GPC6: variants seen among roughly 807,000 people sequenced by gnomAD.
The protein encoded by GPC6 is glypican-6.
GPC6 carries 14 observed loss-of-function variants against 55.2 expected under a neutral mutation model. The observed-to-expected ratio is 0.25, with a 90% CI of 0.17 to 0.40. The LOEUF is 0.40. GPC6 is among the 10% of genes least tolerant of loss of function. The pLI is 1.00. For missense variants in GPC6, 641 were observed against 708.5 expected, an observed-to-expected ratio of 0.90 and a Z score of 1.08; for synonymous variants, 278 against 259.6, an observed-to-expected ratio of 1.07 and a Z score of -0.68.
chr13:93,613,209 GTC>G (rs1313132087), intron 2 of GPC6, among the ~76,000 whole-genome samples: 1 of 152,142 alleles, frequency 6.6e-6, no homozygotes, highest in Non-Finnish European at 1.5e-5. Flanking sequence ...AATGCCACTA[GTC>G]TCTGGCTCAA....
rs185116656 is a variant in GPC6 at position 93,290,487 on chromosome 13, G to A, written c.160+62871G>A. Among the ~76,000 whole-genome samples the A allele has an allele frequency of 2.6e-3, 394 of 152,188 alleles. 2 individuals carry two copies. Among genetic ancestry groups the A allele is most frequent in the Non-Finnish European group, 3.9e-3 (268 of 67,980 alleles). On this transcript the variant is annotated intron_variant, in intron 1 of 8. Transcript: ENST00000377047. ...CATTTTATTGTAATCAAACAATTTG[G>A]TTGAAGTCTCAATGATACTCACTCT...
At chr13:94,185,118 C>T (rs1207132991) in intron 4 of GPC6, among the ~76,000 whole-genome samples, 1 of 152,064 alleles carries the variant, frequency 6.6e-6, no homozygotes, top group Non-Finnish European at 1.5e-5. Context: ...AACCTGGGAA[C>T]AGTAAACACT....
At chr13:93,853,577 A>G (rs1283510271) in intron 3 of GPC6, among the ~76,000 whole-genome samples, 2 of 150,788 alleles carry the variant, frequency 1.3e-5, no homozygotes, top group Non-Finnish European at 3.0e-5. Flanking sequence ...TAAAAAAAAT[A>G]TGAATTTTAA....
At chr13:93,684,823 G>C (rs1463188746) in intron 2 of GPC6, among the ~76,000 whole-genome samples, 1 of 152,038 alleles carries the variant, frequency 6.6e-6, no homozygotes, top group Admixed American at 6.6e-5. Context: ...TATCAATCTG[G>C]AAACATCAGG....
intron 1 of GPC6, among the ~76,000 whole-genome samples, chr13:93,449,437 G>C (rs138380738): frequency 1.3e-4 from 20 of 152,300 alleles, no homozygotes; most frequent in African/African-American, 4.8e-4. Context: ...GATGATGATT[G>C]TTGGCTGGGT....
intron 3 of GPC6, among the ~76,000 whole-genome samples, chr13:94,007,529 C>T (rs762154424): frequency 2.6e-5 from 4 of 152,198 alleles, no homozygotes; most frequent in African/African-American, 2.4e-5. Flanking sequence ...GAAGAGACCT[C>T]GGGAATGCAT....
intron 2 of GPC6, among the ~76,000 whole-genome samples, chr13:93,622,782 G>C (rs1879013734): frequency 6.6e-6 from 1 of 151,994 alleles, no homozygotes; most frequent in Admixed American, 6.6e-5. Flanking sequence ...ATATCTTCTA[G>C]TTATTTTGAA....
chr13:93,444,357 C>T (rs1877917972), intron 1 of GPC6, among the ~76,000 whole-genome samples: 1 of 152,034 alleles, frequency 6.6e-6, no homozygotes, highest in South Asian at 2.1e-4. Flanking sequence ...GGCTGGAATC[C>T]CAGCACTTTG....
chr13:94,271,606 C>T (rs58770256), intron 4 of GPC6, among the ~76,000 whole-genome samples: 7,947 of 152,162 alleles, frequency 0.052, 303 homozygotes, highest in African/African-American at 0.1. Flanking sequence ...AATAGTAGTT[C>T]CTACTTCATT....
At chr13:93,991,055 AT>A (rs576677785) in intron 3 of GPC6, among the ~76,000 whole-genome samples, 2 of 151,550 alleles carry the variant, frequency 1.3e-5, no homozygotes, top group Non-Finnish European at 2.9e-5. Context: ...TACTTCATTG[AT>A]TTTTTTTTCT....
chr13:94,352,241 G>T (rs1039516576), intron 6 of GPC6, among the ~76,000 whole-genome samples: 41 of 152,022 alleles, frequency 2.7e-4, no homozygotes, highest in Non-Finnish European at 1.6e-4. Context: ...TGGGAACAGG[G>T]CTGGTGAGAG....
chr13:93,750,255 A>G (rs528726781), intron 2 of GPC6, among the ~76,000 whole-genome samples: 14 of 152,320 alleles, frequency 9.2e-5, no homozygotes, highest in African/African-American at 3.4e-4. Context: ...GGATGTTTCT[A>G]CGAAAATTTG....
At chr13:93,563,978 T>C (rs925617076) in intron 2 of GPC6, among the ~76,000 whole-genome samples, 3 of 152,116 alleles carry the variant, frequency 2.0e-5, no homozygotes, top group Admixed American at 6.6e-5. Flanking sequence ...CGTGCACCCT[T>C]CACCGAAGCA....
At chr13:93,884,196 A>G (rs1875176999) in intron 3 of GPC6, among the ~76,000 whole-genome samples, 1 of 152,152 alleles carries the variant, frequency 6.6e-6, no homozygotes, top group Admixed American at 6.6e-5. Flanking sequence ...ACCTTGACAC[A>G]TGAAATCATT....
intron 4 of GPC6, among the ~76,000 whole-genome samples, chr13:94,138,982 G>C (rs980267610): frequency 6.6e-5 from 10 of 152,130 alleles, no homozygotes; most frequent in Non-Finnish European, 1.3e-4. Context: ...GGAATAGATA[G>C]GAGGGGCGCC....
chr13:94,253,638 C>T (rs866858182), intron 4 of GPC6, among the ~76,000 whole-genome samples: 1 of 151,962 alleles, frequency 6.6e-6, no homozygotes, highest in Non-Finnish European at 1.5e-5. Flanking sequence ...GGTGTGTTTT[C>T]GATCATAGAA....
Position 93,988,681 on chromosome 13 carries a change from C to T in GPC6, c.712-39048C>T, listed in dbSNP as rs141126856. On this transcript the variant is annotated intron_variant, in intron 3 of 8. Coordinates refer to ENST00000377047, the MANE Select transcript of GPC6 (RefSeq NM_005708.5). ...AGGGCACTAATCCCACTCATGAGATCCCCACCCTCATGACCTAATTGTCTC... is the reference window on the plus strand; with the variant it reads ...AGGGCACTAATCCCACTCATGAGATTCCCACCCTCATGACCTAATTGTCTC... Among the ~76,000 whole-genome samples, 1,053 of 152,116 alleles carry T rather than the reference C, an allele frequency of 6.9e-3. 16 individuals carry two copies. Among genetic ancestry groups the T allele is most frequent in the African/African-American group, 0.024 (1,007 of 41,484 alleles).
chr13:93,897,039 T>C (rs922412665), intron 3 of GPC6, among the ~76,000 whole-genome samples: 2 of 151,664 alleles, frequency 1.3e-5, no homozygotes, highest in Non-Finnish European at 2.9e-5. Context: ...TCTCAAGTAT[T>C]AGCTATGTGT....
chr13:93,961,873 C>T (rs1349853627), intron 3 of GPC6, among the ~76,000 whole-genome samples: 1 of 151,890 alleles, frequency 6.6e-6, no homozygotes, highest in Non-Finnish European at 1.5e-5. Flanking sequence ...TTTATTTGTT[C>T]AGTTAGCCAT....
Sources: gnomAD v4.1 joint callset for allele counts (sites outside exome capture counted in the v4.1 genomes callset) on GRCh38, gnomAD v4.1.1 for gene constraint, MANE v1.5 for transcripts, NCBI Gene and HGNC (gene_info 2026-07-23, HGNC 2026-07-21) for gene names.